NLGN1: variants seen among roughly 807,000 people sequenced by gnomAD.
NLGN1 encodes the protein neuroligin 1.
Under a neutral mutation model 65.5 loss-of-function variants are expected in NLGN1, and 12 were observed. That is an observed-to-expected ratio of 0.18 (90% CI 0.12 to 0.30). The LOEUF is 0.30. Ranked by LOEUF, NLGN1 falls within the 10% of genes least tolerant of loss-of-function variation. NLGN1 has a pLI of 1.00. For missense variants in NLGN1, 750 were observed against 1,007.1 expected (o/e 0.74, Z 3.46); for synonymous variants, 350 against 359.5 (o/e 0.97, Z 0.30).
In NLGN1 at chr3:173,923,406, G is replaced by C. The variant is rs529317393; in HGVS notation, c.646+115574G>C. On this transcript the variant is annotated intron_variant, in intron 4 of 6. Transcript: ENST00000457714. ...ACATACCCCACCCTAAAATGAATTG[G>C]CCAGAATGAATTGCCTGCCACAGAG... 2.0e-3 allele frequency among the ~76,000 whole-genome samples: 303 copies of C among 152,098 alleles called. 2 individuals are homozygous for C. Among genetic ancestry groups the C allele is most frequent in the Non-Finnish European group, 3.4e-3 (229 of 67,966 alleles).
intron 4 of NLGN1, among the ~76,000 whole-genome samples, chr3:174,056,994 C>T (rs1736274656): frequency 6.6e-6 from 1 of 151,672 alleles, no homozygotes; most frequent in South Asian, 2.1e-4. Context: ...TTTCTTCCTG[C>T]CTAATTACAT....
chr3:173,426,559 T>C (rs1278884843), intron 1 of NLGN1, among the ~76,000 whole-genome samples: 1 of 152,116 alleles, frequency 6.6e-6, no homozygotes, highest in Non-Finnish European at 1.5e-5. Flanking sequence ...TTTTATCAAA[T>C]GCTTTTTCTG....
chr3:174,048,214 A>G (rs1323205661), intron 4 of NLGN1, among the ~76,000 whole-genome samples: 1 of 152,100 alleles, frequency 6.6e-6, no homozygotes, highest in African/African-American at 2.4e-5. Context: ...ATCCTTCCAG[A>G]TGGGCTGCTG....
At chr3:174,026,959 G>A (rs1283725611) in intron 4 of NLGN1, among the ~76,000 whole-genome samples, 1 of 151,276 alleles carries the variant, frequency 6.6e-6, no homozygotes, top group African/African-American at 2.4e-5. Flanking sequence ...CATTTATTAA[G>A]CAGCAATTAT....
At chr3:173,561,544 T>A (rs1334919174) in intron 2 of NLGN1, among the ~76,000 whole-genome samples, 1 of 152,144 alleles carries the variant, frequency 6.6e-6, no homozygotes, top group Non-Finnish European at 1.5e-5. Context: ...ACAAAGACTT[T>A]CCCTTTCAAT....
intron 4 of NLGN1, among the ~76,000 whole-genome samples, chr3:174,161,551 G>C (rs1168848706): frequency 6.6e-6 from 1 of 151,848 alleles, no homozygotes; most frequent in Non-Finnish European, 1.5e-5. Context: ...AAGGAGATGG[G>C]AAATCAGTCT....
intron 4 of NLGN1, among the ~76,000 whole-genome samples, chr3:174,010,103 T>C (rs1424602121): frequency 6.6e-6 from 1 of 152,172 alleles, no homozygotes; most frequent in Non-Finnish European, 1.5e-5. Flanking sequence ...ATGGGTATTC[T>C]AGAGAATGTG....
chr3:173,635,079 C>T (rs2861337), intron 3 of NLGN1, among the ~76,000 whole-genome samples: 78,755 of 151,978 alleles, frequency 0.52, 22,411 homozygotes, highest in East Asian at 0.68. Flanking sequence ...TTTTGCAGGT[C>T]TGTGAACACT....
At chr3:173,768,453 A>G (rs115145973) in intron 3 of NLGN1, among the ~76,000 whole-genome samples, 212 of 152,176 alleles carry the variant, frequency 1.4e-3, no homozygotes, top group African/African-American at 5.0e-3. Context: ...TCCAGTGTAG[A>G]TTTGCCTCTT....
intron 4 of NLGN1, among the ~76,000 whole-genome samples, chr3:173,974,071 G>A (rs1240910199): frequency 6.6e-6 from 1 of 151,922 alleles, no homozygotes. Context: ...AGAACAACTT[G>A]AAATCTACAA....
At chr3:174,248,996 T>A (rs1389262686) in intron 4 of NLGN1, among the ~76,000 whole-genome samples, 3 of 152,332 alleles carry the variant, frequency 2.0e-5, no homozygotes, top group East Asian at 1.9e-4. Flanking sequence ...TGCTGCTATA[T>A]TTAATTAAAA....
At chr3:173,968,195 T>C (rs74851933) in intron 4 of NLGN1, among the ~76,000 whole-genome samples, 10,144 of 152,284 alleles carry the variant, frequency 0.067, 349 homozygotes, top group Middle Eastern at 0.13. Flanking sequence ...ATAGATCTTA[T>C]GATTTATGTA....
chr3:173,412,465 A>G (rs1712778928), intron 1 of NLGN1, among the ~76,000 whole-genome samples: 1 of 152,174 alleles, frequency 6.6e-6, no homozygotes, highest in Admixed American at 6.5e-5. Flanking sequence ...TAAAATCCTG[A>G]AAGGAAAATA....
intron 3 of NLGN1, among the ~76,000 whole-genome samples, chr3:173,705,809 A>G (rs1767963798): frequency 6.6e-6 from 1 of 152,026 alleles, no homozygotes. Context: ...GCTGCTTTGA[A>G]CATTTTGGTC....
At chr3:173,723,876 G>A (rs1771292676) in intron 3 of NLGN1, among the ~76,000 whole-genome samples, 1 of 152,146 alleles carries the variant, frequency 6.6e-6, no homozygotes, top group South Asian at 2.1e-4. Context: ...GTAGTGGTTT[G>A]GCTCAGAACA....
At chr3:174,281,482 T>A in exon 7 of NLGN1, 1 of 501,730 alleles carries the variant, frequency 2.0e-6, no homozygotes, top group Non-Finnish European at 3.5e-6. Flanking sequence ...AAATCAACTT[T>A]AAAAACAAAT....
intron 4 of NLGN1, among the ~76,000 whole-genome samples, chr3:174,054,528 C>G (rs986671682): frequency 6.6e-6 from 1 of 151,926 alleles, no homozygotes; most frequent in Admixed American, 6.6e-5. Context: ...CTTTCCATCC[C>G]TCCTCCCTAA....
At chr3:174,262,522 G>A (rs1280206679) in intron 4 of NLGN1, among the ~76,000 whole-genome samples, 26 of 130,176 alleles carry the variant, frequency 2.0e-4, no homozygotes, top group African/African-American at 6.5e-4. Flanking sequence ...CTGTGGGATC[G>A]GTGGTGATAT....
chr3:173,598,419 T>C (rs191849314), intron 2 of NLGN1, among the ~76,000 whole-genome samples: 2 of 151,740 alleles, frequency 1.3e-5, no homozygotes, highest in African/African-American at 4.9e-5. Flanking sequence ...AACCATTTAG[T>C]TCCCTTATCT....
Sources: gnomAD v4.1 joint callset for allele counts (sites outside exome capture counted in the v4.1 genomes callset) on GRCh38, gnomAD v4.1.1 for gene constraint, MANE v1.5 for transcripts, NCBI Gene and HGNC (gene_info 2026-07-23, HGNC 2026-07-21) for gene names.